The following RHOJ variants were observed in gnomAD, a reference collection of about 807,000 sequenced individuals.
The protein encoded by RHOJ is rho-related GTP-binding protein RhoJ.
In RHOJ, 11 loss-of-function variants were observed where a neutral mutation model predicts 23.4. The ratio of observed to expected loss-of-function variants is 0.47; its 90% confidence interval spans 0.30 to 0.78. The LOEUF is 0.78. Among genes scored for constraint, RHOJ ranks in the 30% least tolerant of loss-of-function variants. RHOJ has a pLI of 0.08. For missense variants in RHOJ, 254 were observed against 273.4 expected, an observed-to-expected ratio of 0.93 and a Z score of 0.50; for synonymous variants, 102 against 102.7, an observed-to-expected ratio of 0.99 and a Z score of 0.04.
rs1168733600 is a variant in RHOJ, at chr14:63,277,962, C to CACAA, written c.238-3005_238-3002dup. 1.4e-4 allele frequency among the ~76,000 whole-genome samples: 19 copies of CACAA among 140,474 alleles called. 1 individual carries two copies. The South Asian group carries it at 4.1e-3, about 31-fold the overall frequency. The allele number at this position is 140,474 out of a possible 152,430, so 92.2% of individuals were successfully genotyped here. On this transcript the variant is annotated intron_variant, in intron 2 of 4. Transcript: ENST00000316754. Reference sequence around the variant, plus strand: ...CCTTTCTCCACTGCCTCACCAGCTACACAAACACACACACACACACACACA... The same window carrying CACAA: ...CCTTTCTCCACTGCCTCACCAGCTACACAAACAAACACACACACACACACACACA...
chr14:63,255,614 C>T (rs1487545130), intron 1 of RHOJ, among the ~76,000 whole-genome samples: 1 of 142,206 alleles, frequency 7.0e-6, no homozygotes, highest in African/African-American at 2.6e-5. Flanking sequence ...GATTCAAATG[C>T]ACTTGTGATG....
At chr14:63,258,144 C>T (rs1895210208) in intron 1 of RHOJ, among the ~76,000 whole-genome samples, 1 of 147,092 alleles carries the variant, frequency 6.8e-6, no homozygotes. Context: ...AGGAGAATCG[C>T]TTGAACCCGG....
intron 3 of RHOJ, among the ~76,000 whole-genome samples, chr14:63,282,444 AC>A (rs1368435289): frequency 1.3e-5 from 2 of 152,162 alleles, no homozygotes; most frequent in African/African-American, 4.8e-5. Context: ...ATTCGCATAC[AC>A]AGTGAGGCTT....
chr14:63,205,226 C>T (rs1021621154), intron 1 of RHOJ, among the ~76,000 whole-genome samples, 179 bp downstream of exon 1: 3 of 152,178 alleles, frequency 2.0e-5, no homozygotes, highest in African/African-American at 7.2e-5. Flanking sequence ...ATTTGTGCAT[C>T]AATGTGTATG....
chr14:63,269,122 T>C lies in RHOJ; in HGVS notation c.191T>C (p.Val64Ala). The C allele has an allele frequency of 1.2e-6, 2 of 1,612,368 alleles. No individual in the cohort carries two copies. The highest frequency in any genetic ancestry group is 1.3e-5 in the African/African-American group (1 of 75,010). Residue 64 changes from valine (V) to alanine (A), a missense_variant, in exon 2 of 5, where the codon GTG becomes GCG. Coordinates refer to ENST00000316754, the MANE Select transcript of RHOJ (RefSeq NM_020663.5). ...TCTTCTCCCCTAGTTACTGTGACTG[T>C]GGGAGGCAAGCAACACTTGCTCGGA... Reference protein sequence around the residue: ...VFDHYAVTVTVGGKQHLLGLY... With the variant: ...VFDHYAVTVTAGGKQHLLGLY...
Position 63,204,747 on chromosome 14 carries a change from A to G in RHOJ, c.-123A>G, listed in dbSNP as rs1416331870. ...AGCCTCGGACATGTCTGTATGATCC[A>G]AGGTACCCAAAGTCAGACAGAGTAA... On this transcript the variant is annotated 5_prime_UTR_variant, in exon 1 of 5. Transcript: ENST00000316754. The G allele has an allele frequency of 7.5e-6, 7 of 930,510 alleles. No individual in the cohort carries two copies. The highest frequency in any genetic ancestry group is 1.2e-5 in the Non-Finnish European group (7 of 601,852). The allele number at this position is 930,510 out of a possible 1,614,324, so 57.6% of individuals were successfully genotyped here.
chr14:63,288,505 A>T (rs1882153981), intron 4 of RHOJ, among the ~76,000 whole-genome samples: 1 of 152,262 alleles, frequency 6.6e-6, no homozygotes, highest in South Asian at 2.1e-4. Context: ...TGTTGCCATT[A>T]GATTAATGTG....
intron 1 of RHOJ, among the ~76,000 whole-genome samples, chr14:63,240,436 G>A (rs903472582): frequency 1.3e-5 from 2 of 152,182 alleles, no homozygotes; most frequent in Non-Finnish European, 2.9e-5. Flanking sequence ...TCCTGCAGAG[G>A]CTGCTGTAGC....
intron 3 of RHOJ, among the ~76,000 whole-genome samples, chr14:63,281,876 T>A (rs529892624): frequency 6.6e-6 from 1 of 152,368 alleles, no homozygotes; most frequent in South Asian, 2.1e-4. Context: ...AATATACGAA[T>A]ACTGAAGGGC....
intron 1 of RHOJ, among the ~76,000 whole-genome samples, chr14:63,251,087 A>G (rs533076699): frequency 2.0e-5 from 3 of 152,222 alleles, no homozygotes; most frequent in South Asian, 4.1e-4. Context: ...AAAAAAATCA[A>G]CTGAGCCTCC....
intron 2 of RHOJ, among the ~76,000 whole-genome samples, chr14:63,274,310 T>G (rs1881645543): frequency 6.6e-6 from 1 of 152,150 alleles, no homozygotes; most frequent in Non-Finnish European, 1.5e-5. Flanking sequence ...CTCACGTGTA[T>G]CTTCATGTGG....
chr14:63,243,057 C>T (rs1894912530), intron 1 of RHOJ, among the ~76,000 whole-genome samples: 1 of 152,150 alleles, frequency 6.6e-6, no homozygotes, highest in South Asian at 2.1e-4. Flanking sequence ...ACAAGCGGTA[C>T]TTGCACCTTC....
intron 1 of RHOJ, among the ~76,000 whole-genome samples, chr14:63,224,382 C>T (rs922383184): frequency 2.0e-5 from 3 of 152,268 alleles, no homozygotes; most frequent in African/African-American, 4.8e-5. Context: ...GTAACTCATG[C>T]GCACGGTCTT....
At chr14:63,264,162 A>G (rs1895324559) in intron 1 of RHOJ, among the ~76,000 whole-genome samples, 1 of 151,634 alleles carries the variant, frequency 6.6e-6, no homozygotes, top group South Asian at 2.1e-4. Context: ...TTTTCAACCC[A>G]TCCTTCCCTT....
chr14:63,282,682 G>GAAAAAAA (rs199732507), intron 3 of RHOJ, among the ~76,000 whole-genome samples: 1 of 73,132 alleles, frequency 1.4e-5, no homozygotes, highest in Admixed American at 1.5e-4. Flanking sequence ...TTGGAAAAGC[G>GAAAAAAA]AAAAAAAAAA....
intron 4 of RHOJ, among the ~76,000 whole-genome samples, chr14:63,289,673 G>A (rs2139670999): frequency 6.6e-6 from 1 of 152,266 alleles, no homozygotes; most frequent in East Asian, 1.9e-4. Context: ...CCTGGTCTGT[G>A]ATTTTTAAAT....
chr14:63,262,435 A>T (rs1052740399), intron 1 of RHOJ, among the ~76,000 whole-genome samples: 2 of 152,182 alleles, frequency 1.3e-5, no homozygotes, highest in African/African-American at 4.8e-5. Context: ...AGTTTAATGG[A>T]TTTGGGGGAA....
chr14:63,263,195 T>C (rs1366577822), intron 1 of RHOJ, among the ~76,000 whole-genome samples: 1 of 152,204 alleles, frequency 6.6e-6, no homozygotes, highest in Non-Finnish European at 1.5e-5. Context: ...ATTACAGTGA[T>C]GAATAGCAAT....
At chr14:63,276,864 C>T (rs984504855) in intron 2 of RHOJ, among the ~76,000 whole-genome samples, 3 of 152,160 alleles carry the variant, frequency 2.0e-5, no homozygotes, top group African/African-American at 7.2e-5. Flanking sequence ...TTGTTCCTAC[C>T]CAATCTAGTT....
Sources: gnomAD v4.1 joint callset for allele counts (sites outside exome capture counted in the v4.1 genomes callset) on GRCh38, gnomAD v4.1.1 for gene constraint, MANE v1.5 for transcripts, NCBI Gene and HGNC (gene_info 2026-07-23, HGNC 2026-07-21) for gene names.